The following CWC25 variants were observed in gnomAD, a reference collection of about 807,000 sequenced individuals.
The protein encoded by CWC25 is pre-mRNA-splicing factor CWC25 homolog.
CWC25 carries 31 observed loss-of-function variants against 54.6 expected under a neutral mutation model. The ratio of observed to expected loss-of-function variants is 0.57; its 90% CI spans 0.43 to 0.77. The LOEUF is 0.77. Among genes scored for constraint, CWC25 ranks in the 30% least tolerant of loss-of-function variants. The pLI, the probability that CWC25 is intolerant of heterozygous loss-of-function variation, is 0.00. For synonymous variants in CWC25, 151 were observed against 187.0 expected, an observed-to-expected ratio of 0.81 and a Z score of 1.57; for missense variants, 453 against 529.3, an observed-to-expected ratio of 0.86 and a Z score of 1.41.
intron 4 of CWC25, among the ~76,000 whole-genome samples, chr17:38,811,141 G>T (rs1911469400): frequency 6.6e-6 from 1 of 150,804 alleles, no homozygotes; most frequent in African/African-American, 2.4e-5. Flanking sequence ...TGAGGCAGAA[G>T]AATCACTTGA....
At chr17:38,808,742 T>C (rs145070675) in intron 6 of CWC25, among the ~76,000 whole-genome samples, 2 of 151,734 alleles carry the variant, frequency 1.3e-5, no homozygotes, top group African/African-American at 2.4e-5. Flanking sequence ...GATTGCACCA[T>C]TGCACTCCAG....
intron 1 of CWC25, among the ~76,000 whole-genome samples, chr17:38,823,847 G>A (rs994505130): frequency 6.6e-6 from 1 of 152,180 alleles, no homozygotes; most frequent in African/African-American, 2.4e-5. Context: ...ACGGGTGTTA[G>A]TGGATAGCTC....
chr17:38,815,272 C>T (rs1047783330), intron 2 of CWC25, among the ~76,000 whole-genome samples, 175 bp from the exon 3 acceptor site: 1 of 152,028 alleles, frequency 6.6e-6, no homozygotes, highest in Non-Finnish European at 1.5e-5. Context: ...AGAAATAGTG[C>T]GGGTTGCGTG....
At chr17:38,821,326 G>A (rs1239095898) in intron 1 of CWC25, among the ~76,000 whole-genome samples, 2 of 152,058 alleles carry the variant, frequency 1.3e-5, no homozygotes, top group Admixed American at 6.6e-5. Flanking sequence ...TTTGGGAGGC[G>A]GAGGCGGGAA....
rs1299990617 is a variant in CWC25 at position 38,806,287 on chromosome 17, C to T, written c.1001+10G>A. The T allele has an allele frequency of 1.2e-6, 2 of 1,604,928 alleles. No homozygotes were observed. Among genetic ancestry groups the T allele is most frequent in the Non-Finnish European group, 1.7e-6 (2 of 1,175,116 alleles). On this transcript the variant is annotated intron_variant, in intron 8 of 9. Coordinates refer to ENST00000614790, the MANE Select transcript of CWC25 (RefSeq NM_017748.5). ...CAAAATGTGGTTAATCAACTGGGCTCCTGACTCACCTGGTGTATCCGGGAG... is the reference window on the plus strand; with the variant it reads ...CAAAATGTGGTTAATCAACTGGGCTTCTGACTCACCTGGTGTATCCGGGAG...
chr17:38,812,947 A>G, intron 3 of CWC25, 83 bp from the exon 4 acceptor site: 1 of 767,800 alleles, frequency 1.3e-6, no homozygotes, highest in Non-Finnish European at 2.2e-6. Flanking sequence ...ACATATACAG[A>G]CAAACTGGCC....
intron 5 of CWC25, 117 bp from the exon 6 acceptor site, chr17:38,809,882 G>C: frequency 1.2e-6 from 1 of 854,246 alleles, no homozygotes; most frequent in Non-Finnish European, 1.8e-6. Flanking sequence ...CCTCCCAGCA[G>C]TTACCTGGCA....
At chr17:38,811,844 AG>A (rs1174365883) in intron 4 of CWC25, among the ~76,000 whole-genome samples, 1 of 152,206 alleles carries the variant, frequency 6.6e-6, no homozygotes, top group Non-Finnish European at 1.5e-5. Flanking sequence ...GAAAGCAGTC[AG>A]GAACTATAAG....
At chr17:38,815,925 T>G (rs537482702) in intron 2 of CWC25, among the ~76,000 whole-genome samples, 5 of 152,280 alleles carry the variant, frequency 3.3e-5, no homozygotes, top group African/African-American at 9.6e-5. Flanking sequence ...AAGTGACGCT[T>G]TCAAGCCAAA....
At chr17:38,821,196 C>A (rs1167220871) in intron 1 of CWC25, 123 bp from the exon 2 acceptor site, 1 of 856,928 alleles carries the variant, frequency 1.2e-6, no homozygotes, top group Non-Finnish European at 1.8e-6. Flanking sequence ...ATGTCTTCAA[C>A]AATGGCAAGG....
In CWC25 at chr17:38,814,906, A is replaced by G. The variant is rs990761891; in HGVS notation, c.383T>C (p.Leu128Pro). Reference sequence around the variant, plus strand: ...CTCCCGGATCTTGCTGGCCATGTCAAGAAGGGAATTGGCACCTGATGGGGC... The same window carrying G: ...CTCCCGGATCTTGCTGGCCATGTCAGGAAGGGAATTGGCACCTGATGGGGC... ...IFAPSGANSL[L>P]DMASKIREDP... Residue 128 changes from leucine to proline, a missense_variant, in exon 3 of 10, where the codon CTT becomes CCT. This residue lies in a region of CWC25 where 444 missense variants were observed against 499.2 expected (regional missense o/e 0.89). Coordinates refer to ENST00000614790, the MANE Select transcript of CWC25 (RefSeq NM_017748.5). 7.4e-6 allele frequency: 12 copies of G among 1,613,458 alleles called. No individual in the cohort carries two copies. The Admixed American group carries it at 1.7e-4, about 22-fold the overall frequency.
intron 2 of CWC25, chr17:38,815,633 A>G: frequency 7.8e-7 from 1 of 1,278,368 alleles, no homozygotes; most frequent in South Asian, 1.2e-5. Flanking sequence ...ACATAAAGCA[A>G]TTTATAAGGA....
At chr17:38,810,065 G>A (rs1911421279) in intron 5 of CWC25, among the ~76,000 whole-genome samples, 1 of 152,098 alleles carries the variant, frequency 6.6e-6, no homozygotes, top group South Asian at 2.1e-4. Context: ...GGAGCTGACT[G>A]CTTCCACAGG....
At chr17:38,821,755 T>C (rs1911933279) in intron 1 of CWC25, among the ~76,000 whole-genome samples, 1 of 151,300 alleles carries the variant, frequency 6.6e-6, no homozygotes, top group Admixed American at 6.6e-5. Context: ...ACAGAACTCA[T>C]GCACTTCTGA....
chr17:38,812,283 A>G (rs1911522503), intron 4 of CWC25, among the ~76,000 whole-genome samples: 1 of 152,046 alleles, frequency 6.6e-6, no homozygotes, highest in South Asian at 2.1e-4. Flanking sequence ...AACCTCCTGA[A>G]CACACTGCAT....
chr17:38,808,071 A>C (rs60628004), intron 6 of CWC25, among the ~76,000 whole-genome samples: 8,181 of 128,562 alleles, frequency 0.064, 1,625 homozygotes, highest in African/African-American at 0.23. Flanking sequence ...AAAAAAAAAA[A>C]AGAAAAGAAA....
chr17:38,807,256 G>A (rs57669479), intron 6 of CWC25, among the ~76,000 whole-genome samples: 1 of 139,670 alleles, frequency 7.2e-6, no homozygotes, highest in African/African-American at 2.6e-5. Flanking sequence ...TCAGGAGGTG[G>A]AGGTTGCAGT....
In CWC25 at chr17:38,809,773, A is replaced by T; in HGVS notation, c.627-8T>A. On this transcript the variant is annotated splice_region_variant and splice_polypyrimidine_tract_variant and intron_variant, in intron 5 of 9. Transcript: ENST00000614790. ...GCCATCTTCTTCTGTGATCTAAGAG[A>T]TCAAAATACACACACTCATTGAAAA... 6.2e-7 allele frequency: 1 copy of T among 1,613,072 alleles called. No individual in the cohort carries two copies. The highest frequency in any genetic ancestry group is 1.3e-5 in the African/African-American group (1 of 75,018).
Position 38,803,457 on chromosome 17 carries a change from C to A in CWC25, c.1002-596G>T, listed in dbSNP as rs557487170. Among the ~76,000 whole-genome samples, 4 of 151,884 alleles carry A rather than the reference C, an allele frequency of 2.6e-5. No individual in the cohort carries two copies. The East Asian group carries it at 7.8e-4, about 30-fold the overall frequency. The stretch of plus-strand genomic sequence containing the variant: ...CCAGCCTGGCCAACATGGGGAAACC[C>A]TGTCTCTACTAAAATTACAAAAATA... On this transcript the variant is annotated intron_variant, in intron 8 of 9. Transcript: ENST00000614790.
Sources: gnomAD v4.1 joint callset for allele counts (sites outside exome capture counted in the v4.1 genomes callset) on GRCh38, gnomAD v4.1.1 for gene constraint, gnomAD v4.1.1 regional missense constraint, MANE v1.5 for transcripts, NCBI Gene and HGNC (gene_info 2026-07-23, HGNC 2026-07-21) for gene names.